The following GON4L variants were observed in gnomAD, a reference collection of about 807,000 sequenced individuals.
GON4L encodes the protein GON-4-like protein.
A neutral mutation model predicts 211.8 loss-of-function variants in GON4L; 87 were observed. The observed-to-expected ratio is 0.41, with a 90% CI of 0.35 to 0.49. The LOEUF is 0.49. Ranked by LOEUF, GON4L falls within the 20% of genes least tolerant of loss-of-function variation. GON4L has a pLI of 0.15. For missense variants in GON4L, 2,155 were observed against 2,659.5 expected, an observed-to-expected ratio of 0.81 and a Z score of 4.17; for synonymous variants, 875 against 962.6, an observed-to-expected ratio of 0.91 and a Z score of 1.68.
chr1:155,769,994 C>T (rs938356529), intron 19 of GON4L, among the ~76,000 whole-genome samples: 1 of 127,460 alleles, frequency 7.8e-6, no homozygotes, highest in Non-Finnish European at 1.6e-5. Flanking sequence ...TCGAGACCAG[C>T]CTGGGCAATA....
chr1:155,757,174 C>T lies in GON4L; in HGVS notation c.5397+6G>A. The T allele has an allele frequency of 1.9e-6, 3 of 1,613,940 alleles. No individual in the cohort carries two copies. Among genetic ancestry groups the T allele is most frequent in the South Asian group, 2.2e-5 (2 of 91,072 alleles). Reference sequence around the variant, plus strand: ...CATAAGGCTACAGCAGCCTTAGGTCCTATACCTCATACTCCTTTTCCTCAG... The same window carrying T: ...CATAAGGCTACAGCAGCCTTAGGTCTTATACCTCATACTCCTTTTCCTCAG... On this transcript the variant is annotated splice_donor_region_variant and intron_variant, in intron 26 of 31. Coordinates refer to ENST00000368331, the MANE Select transcript of GON4L (RefSeq NM_001282860.2).
intron 5 of GON4L, 71 bp from the exon 6 acceptor site, chr1:155,820,727 A>G: frequency 8.7e-7 from 1 of 1,155,716 alleles, no homozygotes; most frequent in Non-Finnish European, 1.3e-6. Context: ...CATGCCTATA[A>G]TCCTAGCACT....
rs541692711 is a variant in GON4L, at chr1:155,773,539, C to A, written c.2351-329G>T. ...TCAAAAATGTTTTACCTCCTTCCCC[C>A]CTTAAATACTTGAAGGATAAGAGAC... On this transcript the variant is annotated intron_variant, in intron 17 of 31. Coordinates refer to ENST00000368331, the MANE Select transcript of GON4L (RefSeq NM_001282860.2). 1.4e-4 allele frequency: 40 copies of A among 278,564 alleles called. No individual in the cohort carries two copies. In the South Asian group the frequency reaches 1.5e-3, roughly 11 times the overall value. 17.3% of individuals were successfully genotyped at this position (278,564 alleles called of 1,614,324 possible). A position where few individuals can be genotyped will look rare whatever the true frequency, so the allele number is the denominator to read the frequency against.
upstream of GON4L, among the ~76,000 whole-genome samples, chr1:155,858,636 G>GTTTTTT (rs60054192): frequency 6.5e-5 from 7 of 107,924 alleles, no homozygotes; most frequent in Non-Finnish European, 5.8e-5. Flanking sequence ...TTCATTAGTT[G>GTTTTTT]TTTTTTTTTT....
chr1:155,806,032 C>T (rs911566043), intron 10 of GON4L, among the ~76,000 whole-genome samples: 2 of 148,016 alleles, frequency 1.4e-5, no homozygotes, highest in African/African-American at 5.0e-5. Flanking sequence ...ATCTCTCACC[C>T]AGGCTACAGC....
intron 2 of GON4L, 84 bp downstream of exon 2, chr1:155,853,192 A>G: frequency 8.8e-7 from 1 of 1,137,794 alleles, no homozygotes; most frequent in Non-Finnish European, 1.3e-6. Flanking sequence ...CCTTTCAGAA[A>G]TACTACTCTG....
chr1:155,787,541 G>A (rs773863245), intron 12 of GON4L, among the ~76,000 whole-genome samples: 25 of 152,194 alleles, frequency 1.6e-4, no homozygotes, highest in Admixed American at 1.4e-3. Flanking sequence ...AGGAGGCCGA[G>A]GCAGGCAGAT....
At position 155,755,754 on chromosome 1, in the gene GON4L, A is replaced by G. The variant is rs978268514; in HGVS notation, c.5517+1204T>C. 5.9e-5 allele frequency among the ~76,000 whole-genome samples: 9 copies of G among 152,148 alleles called. 1 individual carries two copies. The highest frequency in any genetic ancestry group is 2.4e-5 in the African/African-American group (1 of 41,420). ...GTCTCTCTGTGACTTCAGCTCTCCC[A>G]TCTCTTCCAATCCCCTTCAGAGAGA... On this transcript the variant is annotated intron_variant, in intron 27 of 31. Transcript: ENST00000368331.
rs1270539848 is a variant in GON4L, at chr1:155,750,333, G to A, written c.*251C>T. 18 of 621,386 alleles carry A rather than the reference G, an allele frequency of 2.9e-5. No homozygotes were observed. The highest frequency in any genetic ancestry group is 4.9e-5 in the Non-Finnish European group (17 of 349,956). 38.5% of individuals were successfully genotyped at this position (621,386 alleles called of 1,614,324 possible). A position where few individuals can be genotyped will look rare whatever the true frequency, so the allele number is the denominator to read the frequency against. On this transcript the variant is annotated 3_prime_UTR_variant, in exon 32 of 32. Coordinates refer to ENST00000368331, the MANE Select transcript of GON4L (RefSeq NM_001282860.2). ...TCAGACCAAAAAAAAGTAGAGAAAGGAGCTGAACTCCACTCTCGATGCTAT... is the reference window on the plus strand; with the variant it reads ...TCAGACCAAAAAAAAGTAGAGAAAGAAGCTGAACTCCACTCTCGATGCTAT...
In GON4L at chr1:155,853,461, GA is replaced by G. The variant is rs1440509198; in HGVS notation, c.319del (p.Ser107ProfsTer28). ...VAISQGITLP[S>X]LESFHPLNIH... ...ATTAAGGGGGTGAAAAGACTCCAAG[GA>G]AGGTAGGGTGATTCCCTGAGAGATG... On this transcript the variant is annotated frameshift_variant, in exon 2 of 32. Coordinates refer to ENST00000368331, the MANE Select transcript of GON4L (RefSeq NM_001282860.2). LOFTEE classifies it high-confidence loss of function. 1 of 1,613,966 alleles carries G rather than the reference GA, an allele frequency of 6.2e-7. No individual in the cohort carries two copies. Among genetic ancestry groups the G allele is most frequent in the Non-Finnish European group, 8.5e-7 (1 of 1,179,944 alleles).
chr1:155,760,664 A>G (rs1266989651), intron 23 of GON4L, 23 bp from the exon 24 acceptor site: 3 of 1,527,730 alleles, frequency 2.0e-6, no homozygotes, highest in Non-Finnish European at 2.7e-6. Flanking sequence ...ACTTTCAATC[A>G]TCAACACCCT....
At chr1:155,758,263 G>C (rs1232192304) in intron 24 of GON4L, among the ~76,000 whole-genome samples, 2 of 152,162 alleles carry the variant, frequency 1.3e-5, no homozygotes, top group Non-Finnish European at 2.9e-5. Flanking sequence ...ACAGCTTCAA[G>C]AGATGTATAT....
At chr1:155,816,406 TA>T in intron 6 of GON4L, 144 bp from the exon 7 acceptor site, 1 of 569,880 alleles carries the variant, frequency 1.8e-6, no homozygotes, top group Non-Finnish European at 3.2e-6. Flanking sequence ...CCTGAGGGTA[TA>T]CTCTCAATTA....
Position 155,764,687 on chromosome 1 carries a change from C to T in GON4L, c.4473+313G>A, listed in dbSNP as rs1326235715. 1.2e-5 allele frequency: 8 copies of T among 677,706 alleles called. No homozygotes were observed. In the East Asian group the frequency reaches 2.3e-4, roughly 19 times the overall value. The allele number at this position is 677,706 out of a possible 1,614,324, so 42.0% of individuals were successfully genotyped here. A position where few individuals can be genotyped will look rare whatever the true frequency, so the allele number is the denominator to read the frequency against. On this transcript the variant is annotated intron_variant, in intron 21 of 31. Transcript: ENST00000368331. ...AACTCCTGGCCTTGTGATCCACCCA[C>T]CTCAGCCTCCCAAAGTGCTGGGACT...
rs376147783 is a variant in GON4L, at chr1:155,853,373, G to A, written c.408C>T (p.Leu136=). Residue 136 remains leucine, a synonymous_variant, in exon 2 of 32, where the codon CTC becomes CTT. Coordinates refer to ENST00000368331, the MANE Select transcript of GON4L (RefSeq NM_001282860.2). ...TGSKRGKKMT[L]RPGPVTQEDR... is the part of the protein sequence containing the mutation. The stretch of plus-strand genomic sequence containing the variant: ...CTTCTTGGGTAACTGGCCCAGGCCT[G>A]AGTGTCATTTTTTTCCCTCTCTTTG... 2 of 1,614,008 alleles carry A rather than the reference G, an allele frequency of 1.2e-6. No individual in the cohort carries two copies. The highest frequency in any genetic ancestry group is 1.3e-5 in the African/African-American group (1 of 74,934).
intron 10 of GON4L, among the ~76,000 whole-genome samples, chr1:155,811,779 A>AAG (rs56118107): frequency 6.8e-6 from 1 of 147,822 alleles, no homozygotes; most frequent in African/African-American, 2.5e-5. Flanking sequence ...AAAAAAAAAA[A>AAG]GAAGGCTGGG....
intron 10 of GON4L, among the ~76,000 whole-genome samples, chr1:155,806,900 G>C (rs909733289): frequency 1.2e-4 from 18 of 151,992 alleles, no homozygotes; most frequent in African/African-American, 4.4e-4. Context: ...AGGAGTTTGA[G>C]ACCAGCCTGG....
intron 6 of GON4L, among the ~76,000 whole-genome samples, chr1:155,820,049 G>A (rs1267300597): frequency 6.6e-6 from 1 of 152,172 alleles, no homozygotes; most frequent in Non-Finnish European, 1.5e-5. Flanking sequence ...AAGCAGCTGG[G>A]ATTATAGGCG....
chr1:155,821,659 C>G, intron 4 of GON4L, 111 bp from the exon 5 acceptor site: 2 of 725,278 alleles, frequency 2.8e-6, no homozygotes, highest in Non-Finnish European at 5.1e-6. Flanking sequence ...GAACCATATA[C>G]TCGAATAGCA....
Sources: allele counts gnomAD v4.1 joint callset (sites outside exome capture counted in the v4.1 genomes callset), GRCh38; gene constraint gnomAD v4.1.1; transcripts MANE v1.5; gene names NCBI Gene and HGNC (gene_info 2026-07-23, HGNC 2026-07-21).